Variants in ZNF521 observed in about 807,000 individuals in gnomAD.
ZNF521 encodes the protein zinc finger protein 521, also known as LYST-interacting protein 3.
In ZNF521, 14 loss-of-function variants were observed where a neutral mutation model predicts 105.5. The observed-to-expected ratio is 0.13, with a 90% confidence interval of 0.09 to 0.21. The LOEUF (loss-of-function observed/expected upper bound fraction) is 0.21. Among genes scored for constraint, ZNF521 ranks in the 10% least tolerant of loss-of-function variants. The pLI, the probability that ZNF521 is intolerant of heterozygous loss-of-function variation, is 1.00. For synonymous variants in ZNF521, 635 were observed against 606.0 expected (o/e 1.05, Z -0.70); for missense variants, 1,233 against 1,629.7 (o/e 0.76, Z 4.19).
At chr18:25,336,581 C>T (rs1278485417) in intron 2 of ZNF521, among the ~76,000 whole-genome samples, 1 of 152,130 alleles carries the variant, frequency 6.6e-6, no homozygotes, top group Non-Finnish European at 1.5e-5. Flanking sequence ...AGTAATTTTT[C>T]TTTCTTAATT....
chr18:25,119,599 C>A (rs2034394687), intron 5 of ZNF521, among the ~76,000 whole-genome samples: 1 of 151,534 alleles, frequency 6.6e-6, no homozygotes, highest in Non-Finnish European at 1.5e-5. Flanking sequence ...AAAGAAATCA[C>A]AAGGGAAATT....
At chr18:25,268,394 G>C (rs553845864) in intron 3 of ZNF521, among the ~76,000 whole-genome samples, 3 of 152,268 alleles carry the variant, frequency 2.0e-5, no homozygotes, top group East Asian at 1.9e-4. Context: ...ACCCAACCTA[G>C]CAAGACAGGC....
chr18:25,316,263 G>A (rs918831263), intron 3 of ZNF521, among the ~76,000 whole-genome samples: 1 of 147,586 alleles, frequency 6.8e-6, no homozygotes, highest in Admixed American at 6.8e-5. Context: ...GGACCGGAAT[G>A]AGAGGAAAAT....
chr18:25,194,080 C>G (rs1414144633), intron 5 of ZNF521, among the ~76,000 whole-genome samples: 1 of 151,776 alleles, frequency 6.6e-6, no homozygotes, highest in African/African-American at 2.4e-5. Context: ...CAACCTTCCA[C>G]TAAGCATTCT....
intron 7 of ZNF521, among the ~76,000 whole-genome samples, chr18:25,068,497 T>A (rs1338790472): frequency 1.3e-5 from 2 of 150,050 alleles, no homozygotes; most frequent in Admixed American, 6.6e-5. Flanking sequence ...TATTGCTTTT[T>A]TTCATTTTTA....
intron 3 of ZNF521, among the ~76,000 whole-genome samples, chr18:25,230,268 T>C (rs1422897617): frequency 1.3e-5 from 2 of 152,128 alleles, no homozygotes; most frequent in Admixed American, 1.3e-4. Context: ...TATAGAAAAA[T>C]AAATAAAGCA....
intron 3 of ZNF521, among the ~76,000 whole-genome samples, chr18:25,232,054 G>C (rs1403878958): frequency 6.6e-6 from 1 of 152,146 alleles, no homozygotes; most frequent in Non-Finnish European, 1.5e-5. Flanking sequence ...ATGTGTGCTA[G>C]TGCCACACAG....
chr18:25,155,700 G>A (rs972259956), intron 5 of ZNF521, among the ~76,000 whole-genome samples: 1 of 152,042 alleles, frequency 6.6e-6, no homozygotes, highest in African/African-American at 2.4e-5. Flanking sequence ...GTGTCTTTTT[G>A]GTGTCCTTGT....
rs1267661764 is a variant in ZNF521 at position 25,319,754 on chromosome 18, C to G, written c.220+2254G>C. Among the ~76,000 whole-genome samples, 39 of 152,174 alleles carry G rather than the reference C, an allele frequency of 2.6e-4. 1 individual carries two copies. The highest frequency in any genetic ancestry group is 5.7e-4 in the Non-Finnish European group (39 of 68,038). ...GTTGGCAGATACCACCTTAAACAAA[C>G]ATTCATCGTTAACAACATCAACATG... On this transcript the variant is annotated intron_variant, in intron 3 of 7. Coordinates refer to ENST00000361524, the MANE Select transcript of ZNF521 (RefSeq NM_015461.3).
At chr18:25,265,789 G>A (rs190146828) in intron 3 of ZNF521, among the ~76,000 whole-genome samples, 2 of 152,286 alleles carry the variant, frequency 1.3e-5, no homozygotes, top group African/African-American at 2.4e-5. Flanking sequence ...CAACCTAAGC[G>A]TCTATCAACA....
At chr18:25,130,966 C>G (rs1007033567) in intron 5 of ZNF521, among the ~76,000 whole-genome samples, 2 of 151,932 alleles carry the variant, frequency 1.3e-5, no homozygotes, top group Non-Finnish European at 2.9e-5. Context: ...ATCAATCAAT[C>G]AATCAATCAA....
At chr18:25,248,998 C>T (rs935565020) in intron 3 of ZNF521, among the ~76,000 whole-genome samples, 2 of 152,148 alleles carry the variant, frequency 1.3e-5, no homozygotes, top group African/African-American at 4.8e-5. Context: ...TGACAGAAAC[C>T]ATATGGCTCA....
intron 5 of ZNF521, among the ~76,000 whole-genome samples, chr18:25,111,990 G>A (rs999075403): frequency 6.6e-6 from 1 of 152,080 alleles, no homozygotes; most frequent in African/African-American, 2.4e-5. Context: ...GCTGTTTTCC[G>A]TGGGAAGCTT....
intron 5 of ZNF521, among the ~76,000 whole-genome samples, chr18:25,116,796 A>G (rs1362087774): frequency 6.6e-6 from 1 of 151,104 alleles, no homozygotes; most frequent in Admixed American, 6.6e-5. Flanking sequence ...TCTGACTTGA[A>G]GAACTAGAAA....
At chr18:25,168,474 G>C (rs2035388613) in intron 5 of ZNF521, among the ~76,000 whole-genome samples, 1 of 152,148 alleles carries the variant, frequency 6.6e-6, no homozygotes, top group Admixed American at 6.6e-5. Context: ...GAACTGAAAA[G>C]GTGTAGTGTG....
chr18:25,281,738 T>C (rs1910393036), intron 3 of ZNF521, among the ~76,000 whole-genome samples: 2 of 152,216 alleles, frequency 1.3e-5, no homozygotes, highest in Non-Finnish European at 2.9e-5. Context: ...GCTCAGGCAA[T>C]GTGACTTGCC....
chr18:25,253,256 A>G (rs1398707717), intron 3 of ZNF521, among the ~76,000 whole-genome samples: 2 of 152,194 alleles, frequency 1.3e-5, no homozygotes, highest in Non-Finnish European at 2.9e-5. Context: ...TACAAATTAT[A>G]CTGTTGGTCC....
At position 25,226,497 on chromosome 18, in the gene ZNF521, G is replaced by A. The variant is rs749607751; in HGVS notation, c.1421C>T (p.Ala474Val). Residue 474 changes from alanine (A) to valine (V), a missense_variant, in exon 4 of 8, where the codon GCC (alanine) becomes GTC (valine). Transcript: ENST00000361524. The surrounding 1 kb of genome is among the most constrained non-coding windows in gnomAD (Gnocchi z 4.1). ...ACAGAAGTTACACTGGTAGACAATG[G>A]CAGGCATGGCAGAAACAATCAGACC... ...DPGLIVSAMP[A>V]IVYQCNFCSE... The A allele has an allele frequency of 6.2e-7, 1 of 1,614,024 alleles. No individual in the cohort carries two copies. The highest frequency in any genetic ancestry group is 2.2e-5 in the East Asian group (1 of 44,868).
rs1407983789 is a variant in ZNF521, at chr18:25,089,454, G to A, written c.3906+11C>T. ...TGAGTTCAATCCCAGTCCTCCCCAT[G>A]AGGACATTACCTGCAGCTCTGTTTG... is the stretch of plus-strand genomic sequence containing the variant. On this transcript the variant is annotated intron_variant, in intron 7 of 7. Coordinates refer to ENST00000361524, the MANE Select transcript of ZNF521 (RefSeq NM_015461.3). The A allele has an allele frequency of 6.2e-7, 1 of 1,600,016 alleles. No individual in the cohort carries two copies. The highest frequency in any genetic ancestry group is 8.6e-7 in the Non-Finnish European group (1 of 1,167,282).
Sources: gnomAD v4.1 joint callset for allele counts (sites outside exome capture counted in the v4.1 genomes callset) on GRCh38, gnomAD v4.1.1 for gene constraint, Gnocchi (gnomAD v3.1) non-coding constraint, MANE v1.5 for transcripts, NCBI Gene and HGNC (gene_info 2026-07-23, HGNC 2026-07-21) for gene names.